The following ANGPT1 variants were observed in gnomAD, a reference collection of about 807,000 sequenced individuals.
ANGPT1 encodes angiopoietin-1.
A neutral mutation model predicts 62.2 loss-of-function variants in ANGPT1; 17 were observed. The ratio of observed to expected loss-of-function variants is 0.27; its 90% CI spans 0.19 to 0.41. The LOEUF (loss-of-function observed/expected upper bound fraction) is 0.41. Ranked by LOEUF, ANGPT1 falls within the 10% of genes least tolerant of loss-of-function variation. ANGPT1 has a pLI of 1.00. For synonymous variants in ANGPT1, 199 were observed against 198.9 expected (o/e 1.00, Z 0.00); for missense variants, 478 against 594.9 (o/e 0.80, Z 2.04).
intron 1 of ANGPT1, among the ~76,000 whole-genome samples, chr8:107,414,937 T>C (rs1313414761): frequency 1.3e-5 from 2 of 152,244 alleles, no homozygotes; most frequent in Admixed American, 6.5e-5. Context: ...GTTACAATAT[T>C]AGTATTAAAA....
At chr8:107,428,684 A>G (rs28373703) in intron 1 of ANGPT1, among the ~76,000 whole-genome samples, 3,148 of 151,960 alleles carry the variant, frequency 0.021, 94 homozygotes, top group African/African-American at 0.07. Flanking sequence ...ACTAAACAAG[A>G]ACAATCACAG....
chr8:107,429,054 C>A (rs1811110803), intron 1 of ANGPT1, among the ~76,000 whole-genome samples: 1 of 151,924 alleles, frequency 6.6e-6, no homozygotes, highest in Non-Finnish European at 1.5e-5. Flanking sequence ...GATTTAAAAG[C>A]AAAAACAAAC....
chr8:107,350,275 T>A (rs1412154041), intron 1 of ANGPT1, among the ~76,000 whole-genome samples: 1 of 152,174 alleles, frequency 6.6e-6, no homozygotes, highest in Non-Finnish European at 1.5e-5. Flanking sequence ...TGTCTTTCTA[T>A]GCAAATTTTC....
chr8:107,398,285 T>G (rs1343122008), intron 1 of ANGPT1, among the ~76,000 whole-genome samples: 1 of 152,184 alleles, frequency 6.6e-6, no homozygotes, highest in East Asian at 1.9e-4. Context: ...AGGTACATTT[T>G]GGTTTTCTTC....
chr8:107,414,545 T>G (rs1444143749), intron 1 of ANGPT1, among the ~76,000 whole-genome samples: 1 of 152,182 alleles, frequency 6.6e-6, no homozygotes, highest in Non-Finnish European at 1.5e-5. Context: ...ATTTTTTGTG[T>G]TCTATTTTCT....
At chr8:107,339,683 C>T (rs1047258907) in intron 2 of ANGPT1, among the ~76,000 whole-genome samples, 2 of 152,166 alleles carry the variant, frequency 1.3e-5, no homozygotes, top group African/African-American at 2.4e-5. Context: ...CAGGAAGGCT[C>T]ATCTGGAGTC....
intron 1 of ANGPT1, among the ~76,000 whole-genome samples, chr8:107,371,050 G>A (rs941883476): frequency 6.6e-6 from 1 of 151,984 alleles, no homozygotes; most frequent in Admixed American, 6.6e-5. Context: ...CTAAATTTTG[G>A]TATAATTTGT....
chr8:107,380,644 A>G (rs1816619184), intron 1 of ANGPT1, among the ~76,000 whole-genome samples: 1 of 152,176 alleles, frequency 6.6e-6, no homozygotes, highest in South Asian at 2.1e-4. Context: ...TTCAACCAAT[A>G]GCATGCCAAT....
rs1295251462 is a variant in ANGPT1 at position 107,264,289 on chromosome 8, G to A, written c.1268C>T (p.Ala423Val). ...GKQSSLILHGADFSTKDADND... is the reference protein window; with the variant it reads ...GKQSSLILHGVDFSTKDADND... ...ATCAGCATCTTTAGTGCTGAAATCA[G>A]CACCGTGTAAGATCAGGCTGCTCTG... The change falls in exon 8 of 9, where the codon GCT (alanine) becomes GTT (valine). Residue 423 changes from alanine to valine, a missense_variant. Ala to Val is a moderately conservative substitution (Grantham distance 64, BLOSUM62 0). Around this residue, in one of 4 missense-constraint regions of ANGPT1, gnomAD observed 19 missense variants for 72.9 expected, o/e 0.26. Transcript: ENST00000517746. The A allele has an allele frequency of 4.3e-6, 7 of 1,613,844 alleles. No homozygotes were observed. The highest frequency in any genetic ancestry group is 1.7e-5 in the Admixed American group (1 of 59,974).
chr8:107,262,541 T>C (rs1327232446), intron 8 of ANGPT1, among the ~76,000 whole-genome samples: 1 of 152,196 alleles, frequency 6.6e-6, no homozygotes, highest in Non-Finnish European at 1.5e-5. Flanking sequence ...GGAGTTCAAG[T>C]AAGATAGTAC....
chr8:107,308,931 A>G (rs1205266039), intron 4 of ANGPT1, among the ~76,000 whole-genome samples: 4 of 152,166 alleles, frequency 2.6e-5, no homozygotes, highest in Non-Finnish European at 4.4e-5. Context: ...TAGATGGTGC[A>G]TCCACCACCA....
chr8:107,454,981 T>C (rs192232442), intron 1 of ANGPT1, among the ~76,000 whole-genome samples: 1 of 152,186 alleles, frequency 6.6e-6, no homozygotes, highest in Admixed American at 6.6e-5. Flanking sequence ...TCCACCCTCT[T>C]CTACTGACCT....
intron 1 of ANGPT1, among the ~76,000 whole-genome samples, chr8:107,495,612 A>T (rs1043740959): frequency 6.6e-6 from 1 of 152,148 alleles, no homozygotes; most frequent in Admixed American, 6.6e-5. Flanking sequence ...TTGGGACTAA[A>T]TTTTCCTTCC....
At chr8:107,389,422 G>T (rs1816792621) in intron 1 of ANGPT1, among the ~76,000 whole-genome samples, 1 of 152,118 alleles carries the variant, frequency 6.6e-6, no homozygotes, top group Admixed American at 6.6e-5. Context: ...GGATAATTCT[G>T]CAGGGGGACG....
chr8:107,394,140 G>C (rs560633366), intron 1 of ANGPT1, among the ~76,000 whole-genome samples: 16 of 152,266 alleles, frequency 1.1e-4, no homozygotes, highest in South Asian at 6.2e-4. Context: ...CTAGGGGTTA[G>C]AGCTGGAGAG....
chr8:107,313,377 T>C (rs529258666), intron 4 of ANGPT1, among the ~76,000 whole-genome samples: 1 of 150,956 alleles, frequency 6.6e-6, no homozygotes, highest in Non-Finnish European at 1.5e-5. Flanking sequence ...TGATATCCTT[T>C]GGTTGATAAT....
At chr8:107,476,554 T>A (rs1464549614) in intron 1 of ANGPT1, among the ~76,000 whole-genome samples, 1 of 152,078 alleles carries the variant, frequency 6.6e-6, no homozygotes, top group African/African-American at 2.4e-5. Flanking sequence ...AACCTGCACG[T>A]TGTGCACACG....
chr8:107,300,372 G>A (rs1453494715), intron 5 of ANGPT1, among the ~76,000 whole-genome samples: 1 of 151,508 alleles, frequency 6.6e-6, no homozygotes, highest in Non-Finnish European at 1.5e-5. Flanking sequence ...ATGTATGTCA[G>A]TCTGAAATAC....
At chr8:107,401,929 T>C (rs1817054678) in intron 1 of ANGPT1, among the ~76,000 whole-genome samples, 1 of 152,160 alleles carries the variant, frequency 6.6e-6, no homozygotes, top group Non-Finnish European at 1.5e-5. Context: ...TGTCCTTTTT[T>C]TGCCTTCATG....
Sources: allele counts gnomAD v4.1 joint callset (sites outside exome capture counted in the v4.1 genomes callset), GRCh38; gene constraint gnomAD v4.1.1; regional missense constraint gnomAD v4.1.1; transcripts MANE v1.5; gene names NCBI Gene and HGNC (gene_info 2026-07-23, HGNC 2026-07-21).